The following ZFAT variants were observed in gnomAD, a reference collection of about 807,000 sequenced individuals.
ZFAT encodes zinc finger protein ZFAT.
A neutral mutation model predicts 117.7 loss-of-function variants in ZFAT; 64 were observed. The observed-to-expected ratio is 0.54, with a 90% confidence interval of 0.44 to 0.67. The LOEUF is 0.67. Among genes scored for constraint, ZFAT ranks in the 30% least tolerant of loss-of-function variants. The pLI is 0.00. For synonymous variants in ZFAT, 679 were observed against 615.0 expected (o/e 1.10, Z -1.54); for missense variants, 1,433 against 1,584.5 (o/e 0.90, Z 1.62).
intron 15 of ZFAT, among the ~76,000 whole-genome samples, chr8:134,480,999 T>C (rs897692108): frequency 6.6e-6 from 1 of 152,184 alleles, no homozygotes; most frequent in Non-Finnish European, 1.5e-5. Context: ...AACTTTTGAT[T>C]TGGACTGATA....
the ZFAT span, among the ~76,000 whole-genome samples, chr8:134,774,252 C>A: frequency 1.3e-5 from 2 of 152,128 alleles, no homozygotes; most frequent in African/African-American, 4.8e-5. Context: ...CTGCATCGGC[C>A]TCCCAAAATG....
At chr8:134,743,002 C>T in the ZFAT span, among the ~76,000 whole-genome samples, 1 of 152,226 alleles carries the variant, frequency 6.6e-6, no homozygotes, top group Admixed American at 6.5e-5. Flanking sequence ...TCACAAAGTC[C>T]ATTGGACTGT....
At chr8:134,615,247 T>C (rs1586821750) in intron 3 of ZFAT, among the ~76,000 whole-genome samples, 3 of 152,162 alleles carry the variant, frequency 2.0e-5, no homozygotes, top group Admixed American at 6.5e-5. Context: ...GCTGGAGTGG[T>C]GCGATCTTGG....
the ZFAT span, chr8:134,766,519 C>T: frequency 6.6e-6 from 1 of 152,154 alleles, no homozygotes; most frequent in Non-Finnish European, 1.5e-5. Flanking sequence ...AACCTGTCTG[C>T]CTTTCCAATC....
At chr8:134,737,458 A>G in the ZFAT span, among the ~76,000 whole-genome samples, 1 of 152,228 alleles carries the variant, frequency 6.6e-6, no homozygotes, top group Non-Finnish European at 1.5e-5. Flanking sequence ...GTTGCTCTTC[A>G]AACTTAAGCC....
chr8:134,502,919 A>C (rs1298474910), intron 15 of ZFAT, among the ~76,000 whole-genome samples: 1 of 152,238 alleles, frequency 6.6e-6, no homozygotes, highest in Non-Finnish European at 1.5e-5. Flanking sequence ...AGCACATTGC[A>C]GGAAAACAAC....
the ZFAT span, among the ~76,000 whole-genome samples, chr8:134,819,465 A>G: frequency 2.7e-5 from 4 of 149,268 alleles, no homozygotes; most frequent in East Asian, 8.1e-4. Flanking sequence ...AGGAATCACA[A>G]TGAAACGCCA....
the ZFAT span, among the ~76,000 whole-genome samples, chr8:134,807,115 G>C: frequency 6.6e-5 from 10 of 152,308 alleles, no homozygotes; most frequent in South Asian, 2.1e-3. Context: ...CTGAGCTACT[G>C]ACTGGAACAG....
At chr8:134,636,943 A>G (rs948078449) in intron 3 of ZFAT, among the ~76,000 whole-genome samples, 1 of 152,194 alleles carries the variant, frequency 6.6e-6, no homozygotes, top group African/African-American at 2.4e-5. Context: ...TCCTCAGCCA[A>G]TGCTGGCCCA....
chr8:134,588,280 G>A lies in ZFAT; in HGVS notation c.2679C>T (p.Gly893=). ...CCCAAATATGACGCTGAAGGTCTGA[G>A]CCATTCTTCATGAAATAAAAGTCAC... ...PYCDFYFMKN[G]SDLQRHIWAH... is the part of the protein sequence containing the mutation. The change falls in exon 9 of 16, where the codon GGC becomes GGT. Residue 893 remains glycine (G), a synonymous_variant. Transcript: ENST00000377838. The A allele has an allele frequency of 6.4e-7, 1 of 1,574,610 alleles. No homozygotes were observed. Among genetic ancestry groups the A allele is most frequent in the Middle Eastern group, 1.7e-4 (1 of 6,026 alleles).
At chr8:134,509,944 A>G (rs1244394750) in intron 14 of ZFAT, 195 bp from the exon 15 acceptor site, 1 of 664,936 alleles carries the variant, frequency 1.5e-6, no homozygotes, top group East Asian at 3.2e-5. Flanking sequence ...CTATAAGAAC[A>G]TCTCAAAACC....
intron 11 of ZFAT, among the ~76,000 whole-genome samples, chr8:134,541,772 A>C (rs557301217): frequency 2.6e-5 from 4 of 152,364 alleles, no homozygotes; most frequent in Admixed American, 2.6e-4. Context: ...TCATCAACTC[A>C]CATAAAAATT....
In ZFAT at chr8:134,590,814, A is replaced by G. The variant is rs377057655; in HGVS notation, c.2476-459T>C. ...CACCATCACCACCACCACCACCACC[A>G]TCAACATCACCACGACCCCCCTCAC... On this transcript the variant is annotated intron_variant, in intron 7 of 15. Coordinates refer to ENST00000377838, the MANE Select transcript of ZFAT (RefSeq NM_020863.4). 7.2e-3 allele frequency among the ~76,000 whole-genome samples: 1,088 copies of G among 151,554 alleles called. 12 individuals carry two copies. The highest frequency in any genetic ancestry group is 0.026 in the African/African-American group (1,060 of 41,274).
Position 134,602,953 on chromosome 8 carries a change from T to C in ZFAT, c.786-20A>G, listed in dbSNP as rs1478518763. The C allele has an allele frequency of 6.3e-7, 1 of 1,584,712 alleles. No individual in the cohort carries two copies. The highest frequency in any genetic ancestry group is 8.6e-7 in the Non-Finnish European group (1 of 1,165,746). On this transcript the variant is annotated intron_variant, in intron 5 of 15. Transcript: ENST00000377838. ...CCTAGCCTAGAAACAGATGACAGCA[T>C]GGTTACATCTGGAGACCTTGAATGT...
intron 1 of ZFAT, among the ~76,000 whole-genome samples, chr8:134,701,679 G>C (rs771934208): frequency 2.6e-5 from 4 of 152,208 alleles, no homozygotes; most frequent in Non-Finnish European, 4.4e-5. Flanking sequence ...GTTGTCTTTT[G>C]TGTCTGGCTT....
intron 10 of ZFAT, among the ~76,000 whole-genome samples, chr8:134,566,032 T>C (rs1055093565): frequency 6.6e-6 from 1 of 151,656 alleles, no homozygotes; most frequent in African/African-American, 2.4e-5. Context: ...CTGTTTGGAG[T>C]GCCAAAGGCA....
the ZFAT span, among the ~76,000 whole-genome samples, chr8:134,740,392 C>A: frequency 0.079 from 12,078 of 152,292 alleles, 614 homozygotes; most frequent in Non-Finnish European, 0.12. Context: ...GGTCCTGGAA[C>A]AAATGCTGGT....
chr8:134,713,336 G>GTA (rs1814109778), upstream of ZFAT, among the ~76,000 whole-genome samples: 1 of 152,216 alleles, frequency 6.6e-6, no homozygotes, highest in African/African-American at 2.4e-5. Flanking sequence ...AGCTGGGCGT[G>GTA]CAAGGAGAGT....
At chr8:134,748,467 C>G in the ZFAT span, among the ~76,000 whole-genome samples, 1 of 152,124 alleles carries the variant, frequency 6.6e-6, no homozygotes, top group South Asian at 2.1e-4. Flanking sequence ...TATTTTCCTG[C>G]TGTAATCTAT....
Sources: gnomAD v4.1 joint callset for allele counts (sites outside exome capture counted in the v4.1 genomes callset) on GRCh38, gnomAD v4.1.1 for gene constraint, MANE v1.5 for transcripts, NCBI Gene and HGNC (gene_info 2026-07-23, HGNC 2026-07-21) for gene names.